Variants in RIF1 observed in about 807,000 individuals in gnomAD.
RIF1 encodes replication timing regulatory factor 1.
Under a neutral mutation model 247.1 loss-of-function variants are expected in RIF1, and 45 were observed. That is an observed-to-expected ratio of 0.18 (90% CI 0.14 to 0.23). The LOEUF is 0.23. RIF1 is among the 10% of genes least tolerant of loss of function. The pLI, the probability that RIF1 is intolerant of heterozygous loss-of-function variation, is 1.00. For synonymous variants in RIF1, 1,087 were observed against 978.8 expected (o/e 1.11, Z -2.06); for missense variants, 2,967 against 2,862.5 (o/e 1.04, Z -0.83).
chr2:151,503,656 T>C (rs1268342630), intron 12 of RIF1, among the ~76,000 whole-genome samples: 1 of 152,214 alleles, frequency 6.6e-6, no homozygotes, highest in African/African-American at 2.4e-5. Context: ...CACTAAATTA[T>C]GCATTTTCTG....
At chr2:151,493,842 T>C in intron 9 of RIF1, 2 of 1,575,750 alleles carry the variant, frequency 1.3e-6, no homozygotes, top group Non-Finnish European at 1.7e-6. Context: ...GGGGGTTGCT[T>C]TCCCCAGGTT....
At position 151,462,435 on chromosome 2, in the gene RIF1, A is replaced by T. The variant is rs1696332129; in HGVS notation, c.3332A>T (p.Lys1111Ile). The T allele has an allele frequency of 6.4e-7, 1 of 1,562,114 alleles. No homozygotes were observed. The highest frequency in any genetic ancestry group is 1.2e-5 in the South Asian group (1 of 80,614). Reference sequence around the variant, plus strand: ...AGGGAAATTCCTACTTTAACCAGAAAACCAAAGGAGGATTCTAAGATGATG... The same window carrying T: ...AGGGAAATTCCTACTTTAACCAGAATACCAAAGGAGGATTCTAAGATGATG... Reference protein sequence around the residue: ...EPMEIPTLTRKPKEDSKMMIT... With the variant: ...EPMEIPTLTRIPKEDSKMMIT... The change falls in exon 29 of 36, where the codon AAA (lysine) becomes ATA (isoleucine). Residue 1111 changes from lysine to isoleucine, a missense_variant. Coordinates refer to ENST00000444746, the MANE Select transcript of RIF1 (RefSeq NM_018151.5).
At chr2:151,451,537 T>C (rs1694317360) in intron 20 of RIF1, 69 bp from the exon 21 acceptor site, 3 of 788,414 alleles carry the variant, frequency 3.8e-6, no homozygotes, top group Middle Eastern at 2.7e-4. Context: ...TATTTTTTCA[T>C]GTTGCTTACT....
chr2:151,529,534 A>AT, the RIF1 span, among the ~76,000 whole-genome samples: 38,172 of 144,714 alleles, frequency 0.26, 5,971 homozygotes, highest in Admixed American at 0.4. Context: ...TTGCCATATA[A>AT]TTTTTTTTTT....
At chr2:151,446,597 C>G in intron 20 of RIF1, 22 bp downstream of exon 20, 1 of 1,599,942 alleles carries the variant, frequency 6.3e-7, no homozygotes, top group Non-Finnish European at 8.5e-7. Flanking sequence ...CTGATGCTAC[C>G]TTTTTTTGTT....
rs182325166 is a variant in RIF1 at position 151,499,372 on chromosome 2, C to T, written c.*541C>T. 46 of 1,542,804 alleles carry T rather than the reference C, an allele frequency of 3.0e-5. No homozygotes were observed. The East Asian group carries it at 7.4e-4, about 25-fold the overall frequency. On this transcript the variant is annotated 3_prime_UTR_variant and NMD_transcript_variant, in exon 11 of 14. Transcript: ENST00000454583. ...ATGGGGATTGGAATCCCTTTTCCAA[C>T]GTTTTCTTTATACAACACCTGTATG...
intron 9 of RIF1, chr2:151,491,135 A>G (rs1367394219): frequency 6.5e-6 from 1 of 153,366 alleles, no homozygotes; most frequent in Admixed American, 6.5e-5. Context: ...GGCTCAAGCT[A>G]TCCTCCCACT....
the RIF1 span, among the ~76,000 whole-genome samples, chr2:151,528,602 A>T: frequency 6.6e-6 from 1 of 152,280 alleles, no homozygotes; most frequent in African/African-American, 2.4e-5. Context: ...CCTCATAAAT[A>T]TATGTCCCCT....
rs1039923733 is a variant in RIF1, at chr2:151,410,004, G to A, written c.-40G>A. 8.5e-6 allele frequency: 6 copies of A among 702,668 alleles called. No homozygotes were observed. Among genetic ancestry groups the A allele is most frequent in the Admixed American group, 2.0e-5 (1 of 49,992 alleles). 43.5% of individuals were successfully genotyped at this position (702,668 alleles called of 1,614,324 possible). On this transcript the variant is annotated 5_prime_UTR_variant, in exon 1 of 36. Coordinates refer to ENST00000444746, the MANE Select transcript of RIF1 (RefSeq NM_018151.5). ...AGCGTCTGGGTGCTGAGGGGCAGAGGCGGAGAGAACCCTGTCCTGATCTTC... is the reference window on the plus strand; with the variant it reads ...AGCGTCTGGGTGCTGAGGGGCAGAGACGGAGAGAACCCTGTCCTGATCTTC...
In RIF1 at chr2:151,466,047, C is replaced by T. The variant is rs1175706302; in HGVS notation, c.6527C>T (p.Ser2176Phe). 1 of 1,612,972 alleles carries T rather than the reference C, an allele frequency of 6.2e-7. No individual in the cohort carries two copies. Among genetic ancestry groups the T allele is most frequent in the East Asian group, 2.2e-5 (1 of 44,876 alleles). Residue 2176 changes from serine (S) to phenylalanine (F), a missense_variant, in exon 30 of 36, where the codon TCT (serine) becomes TTT (phenylalanine). By Grantham distance (155) the Ser-to-Phe change is radical (BLOSUM62 -2). Around this residue, in one of 7 missense-constraint regions of RIF1, gnomAD observed 2,028 missense variants for 1,825.6 expected, o/e 1.11. Transcript: ENST00000444746. Reference sequence around the variant, plus strand: ...CGCTGTGTCTGGTCTCCTTTGGCTTCTCCGTCTACGAGCATTTTAAAGAGA... The same window carrying T: ...CGCTGTGTCTGGTCTCCTTTGGCTTTTCCGTCTACGAGCATTTTAAAGAGA... ...QTRCVWSPLA[S>F]PSTSILKRGL...
intron 21 of RIF1, among the ~76,000 whole-genome samples, chr2:151,453,817 T>TA (rs1404854471): frequency 7.9e-5 from 12 of 152,040 alleles, no homozygotes; most frequent in African/African-American, 2.7e-4. Context: ...ACTAAATACT[T>TA]ACTGTGGCAC....
intron 9 of RIF1, among the ~76,000 whole-genome samples, chr2:151,431,683 A>G (rs545215588): frequency 6.6e-6 from 1 of 152,292 alleles, no homozygotes; most frequent in African/African-American, 2.4e-5. Flanking sequence ...GCTACTTGGG[A>G]GGCAGAGGCA....
intron 10 of RIF1, among the ~76,000 whole-genome samples, chr2:151,498,756 G>A (rs904661819): frequency 6.6e-6 from 1 of 152,026 alleles, no homozygotes; most frequent in Non-Finnish European, 1.5e-5. Flanking sequence ...TACAAACATT[G>A]TGTATATGGA....
At chr2:151,517,300 C>T in the RIF1 span, among the ~76,000 whole-genome samples, 93 of 152,186 alleles carry the variant, frequency 6.1e-4, no homozygotes, top group Non-Finnish European at 1.3e-4. Flanking sequence ...CACGCAGCAC[C>T]TTGATGGCAC....
chr2:151,489,519 T>A (rs1180153195), intron 9 of RIF1, among the ~76,000 whole-genome samples: 2 of 152,212 alleles, frequency 1.3e-5, no homozygotes, highest in East Asian at 3.9e-4. Context: ...CCACCTCAAC[T>A]TCCTCAGTAG....
chr2:151,437,908 C>T (rs1460068958), intron 13 of RIF1, among the ~76,000 whole-genome samples: 1 of 152,148 alleles, frequency 6.6e-6, no homozygotes, highest in Admixed American at 6.6e-5. Flanking sequence ...ATGGCTCTAG[C>T]ATCTGTGCCT....
intron 9 of RIF1, among the ~76,000 whole-genome samples, chr2:151,430,177 C>G (rs191182635): frequency 1.3e-5 from 2 of 151,878 alleles, no homozygotes; most frequent in East Asian, 3.9e-4. Context: ...CTCGTCACCA[C>G]GCCCAGCTAA....
intron 34 of RIF1, among the ~76,000 whole-genome samples, chr2:151,472,055 G>A (rs576080942): frequency 6.6e-6 from 1 of 152,054 alleles, no homozygotes; most frequent in African/African-American, 2.4e-5. Context: ...TTGAGCAGTG[G>A]TTTGTAGTTC....
At chr2:151,482,815 G>T (rs1028198757), downstream of RIF1, among the ~76,000 whole-genome samples, 3 of 152,146 alleles carry the variant, frequency 2.0e-5, no homozygotes, top group Non-Finnish European at 4.4e-5. Context: ...CTGAGATATG[G>T]TATCAGCAGG....
Sources: allele counts gnomAD v4.1 joint callset (sites outside exome capture counted in the v4.1 genomes callset), GRCh38; gene constraint gnomAD v4.1.1; regional missense constraint gnomAD v4.1.1; transcripts MANE v1.5; gene names NCBI Gene and HGNC (gene_info 2026-07-23, HGNC 2026-07-21).